Variants in PTPRM observed in about 807,000 individuals in gnomAD.
The protein encoded by PTPRM is receptor-type tyrosine-protein phosphatase mu.
Under a neutral mutation model 186.7 loss-of-function variants are expected in PTPRM, and 47 were observed. That is an observed-to-expected ratio of 0.25 (90% CI 0.20 to 0.32). The LOEUF is 0.32. Among genes scored for constraint, PTPRM ranks in the 10% least tolerant of loss-of-function variants. The pLI is 1.00. For synonymous variants in PTPRM, 668 were observed against 674.9 expected, an observed-to-expected ratio of 0.99 and a Z score of 0.16; for missense variants, 1,494 against 1,865.0, an observed-to-expected ratio of 0.80 and a Z score of 3.66.
At chr18:7,847,104 G>A (rs1443938921) in intron 2 of PTPRM, among the ~76,000 whole-genome samples, 1 of 150,086 alleles carries the variant, frequency 6.7e-6, no homozygotes, top group Non-Finnish European at 1.5e-5. Context: ...AGAGCAGAGT[G>A]TAGTGTTGGA....
chr18:7,909,530 G>A (rs1017494749), intron 4 of PTPRM, among the ~76,000 whole-genome samples: 1 of 152,150 alleles, frequency 6.6e-6, no homozygotes, highest in African/African-American at 2.4e-5. Context: ...GCAATAGTTT[G>A]TTCTTAAAAT....
intron 5 of PTPRM, among the ~76,000 whole-genome samples, chr18:7,928,777 G>A (rs1265859831): frequency 6.6e-6 from 1 of 152,148 alleles, no homozygotes; most frequent in East Asian, 1.9e-4. Flanking sequence ...GGTTTGTTGA[G>A]GACATGATTT....
At chr18:7,972,142 TGAG>T (rs1431550386) in intron 7 of PTPRM, among the ~76,000 whole-genome samples, 10 of 114,680 alleles carry the variant, frequency 8.7e-5, no homozygotes, top group Non-Finnish European at 1.7e-4. Flanking sequence ...TAAAAAATGA[TGAG>T]TTCATGTCCT....
intron 14 of PTPRM, among the ~76,000 whole-genome samples, chr18:8,169,981 T>C (rs1237676932): frequency 2.0e-5 from 3 of 152,192 alleles, no homozygotes; most frequent in Non-Finnish European, 4.4e-5. Flanking sequence ...AGAAAGAGTC[T>C]TGGAGTTCAT....
intron 1 of PTPRM, among the ~76,000 whole-genome samples, chr18:7,655,058 A>G (rs1246804118): frequency 1.3e-5 from 2 of 152,144 alleles, no homozygotes; most frequent in African/African-American, 4.8e-5. Flanking sequence ...GGCCATTTTA[A>G]TGATATTGAT....
intron 23 of PTPRM, among the ~76,000 whole-genome samples, chr18:8,350,855 G>A (rs968865092): frequency 3.9e-5 from 6 of 152,088 alleles, no homozygotes; most frequent in African/African-American, 1.4e-4. Flanking sequence ...TGTGCTTTTG[G>A]TGCTGTCTGG....
chr18:7,848,042 A>T (rs1369376164), intron 2 of PTPRM, among the ~76,000 whole-genome samples: 1 of 152,180 alleles, frequency 6.6e-6, no homozygotes. Flanking sequence ...CTGAATTCGC[A>T]CCCAAATGTA....
At chr18:8,201,400 A>G (rs1340152288) in intron 14 of PTPRM, among the ~76,000 whole-genome samples, 2 of 152,232 alleles carry the variant, frequency 1.3e-5, no homozygotes, top group African/African-American at 2.4e-5. Flanking sequence ...TTTTCAGGTG[A>G]TAATTTTTTT....
intron 1 of PTPRM, among the ~76,000 whole-genome samples, chr18:7,709,449 A>G (rs1183368839): frequency 6.6e-6 from 1 of 152,154 alleles, no homozygotes; most frequent in Non-Finnish European, 1.5e-5. Flanking sequence ...GTCTACATCA[A>G]AAAGTCTGAA....
chr18:8,122,155 T>C (rs570230514), intron 13 of PTPRM: 1 of 152,714 alleles, frequency 6.5e-6, no homozygotes, highest in African/African-American at 2.4e-5. Context: ...TTTGATATAC[T>C]GATGGGGATT....
chr18:7,681,721 A>G (rs562763307), intron 1 of PTPRM, among the ~76,000 whole-genome samples: 7 of 152,308 alleles, frequency 4.6e-5, no homozygotes, highest in East Asian at 3.9e-4. Flanking sequence ...TCAATTCTCA[A>G]TTGCATTTCT....
chr18:8,294,206 C>T (rs528772445), intron 19 of PTPRM, among the ~76,000 whole-genome samples: 66 of 152,216 alleles, frequency 4.3e-4, no homozygotes, highest in Middle Eastern at 6.8e-3. Context: ...GAGCTGAGAT[C>T]GTGCCACTGC....
At chr18:8,402,136 T>C (rs1208817197) in intron 32 of PTPRM, among the ~76,000 whole-genome samples, 2 of 152,216 alleles carry the variant, frequency 1.3e-5, no homozygotes, top group African/African-American at 2.4e-5. Flanking sequence ...CTGCAGCAGA[T>C]AGACCTATAC....
intron 7 of PTPRM, among the ~76,000 whole-genome samples, chr18:7,982,955 C>T (rs1023585025): frequency 1.3e-5 from 2 of 152,152 alleles, no homozygotes; most frequent in African/African-American, 2.4e-5. Context: ...CCAGGCCCTC[C>T]TGATAGCTCC....
At chr18:8,206,008 A>G (rs1462023293) in intron 14 of PTPRM, among the ~76,000 whole-genome samples, 1 of 152,146 alleles carries the variant, frequency 6.6e-6, no homozygotes, top group East Asian at 1.9e-4. Context: ...TCTCATAAGA[A>G]CTATACATAT....
At chr18:7,810,558 C>T (rs1270659301) in intron 2 of PTPRM, among the ~76,000 whole-genome samples, 2 of 152,100 alleles carry the variant, frequency 1.3e-5, no homozygotes, top group Admixed American at 1.3e-4. Context: ...ATGGAAATAA[C>T]CTGAGCCTTA....
intron 14 of PTPRM, among the ~76,000 whole-genome samples, chr18:8,200,673 T>A (rs1161742016): frequency 6.6e-6 from 1 of 152,214 alleles, no homozygotes; most frequent in Non-Finnish European, 1.5e-5. Flanking sequence ...TCTTTTATTT[T>A]AACTTAAACT....
chr18:8,012,406 T>C (rs1326212849), intron 7 of PTPRM, among the ~76,000 whole-genome samples: 1 of 152,242 alleles, frequency 6.6e-6, no homozygotes, highest in African/African-American at 2.4e-5. Flanking sequence ...CCTCTGGCTT[T>C]CTTCAGCCTT....
chr18:7,687,005 G>T (rs537811272), intron 1 of PTPRM, among the ~76,000 whole-genome samples: 1 of 152,294 alleles, frequency 6.6e-6, no homozygotes, highest in South Asian at 2.1e-4. Context: ...GTCGTAGAAA[G>T]AATTGTTATA....
Sources: allele counts gnomAD v4.1 joint callset (sites outside exome capture counted in the v4.1 genomes callset), GRCh38; gene constraint gnomAD v4.1.1; transcripts MANE v1.5; gene names NCBI Gene and HGNC (gene_info 2026-07-23, HGNC 2026-07-21).